MAGI1: variants seen among roughly 807,000 people sequenced by gnomAD.
MAGI1 encodes membrane associated guanylate kinase, WW and PDZ domain containing 1.
In MAGI1, 58 loss-of-function variants were observed where a neutral mutation model predicts 139.9. The ratio of observed to expected loss-of-function variants is 0.41; its 90% CI spans 0.34 to 0.52. The LOEUF (loss-of-function observed/expected upper bound fraction) is 0.52, where lower values mean the gene tolerates loss of function less well. MAGI1 is among the 20% of genes least tolerant of loss of function. The pLI is 0.12. For missense variants in MAGI1, 1,874 were observed against 1,901.6 expected (o/e 0.99, Z 0.27); for synonymous variants, 812 against 737.9 (o/e 1.10, Z -1.63).
At chr3:65,540,384 A>G (rs1255165495) in intron 2 of MAGI1, among the ~76,000 whole-genome samples, 1 of 152,018 alleles carries the variant, frequency 6.6e-6, no homozygotes, top group Non-Finnish European at 1.5e-5. Flanking sequence ...GTTTTTTTCT[A>G]TATTCATGCT....
chr3:65,984,768 G>C (rs2065795515), intron 1 of MAGI1, among the ~76,000 whole-genome samples: 1 of 139,172 alleles, frequency 7.2e-6, no homozygotes. Flanking sequence ...GGGTGGTCTT[G>C]AACTTCTGGG....
chr3:65,943,665 A>G (rs930157124), intron 1 of MAGI1, among the ~76,000 whole-genome samples: 13 of 151,954 alleles, frequency 8.6e-5, no homozygotes, highest in East Asian at 1.9e-4. Context: ...GTATATATAT[A>G]TGTGTGTATA....
At position 65,663,808 on chromosome 3, in the gene MAGI1, T is replaced by C. The variant is rs186348351; in HGVS notation, c.314-41720A>G. Among the ~76,000 whole-genome samples, 35 of 152,280 alleles carry C rather than the reference T, an allele frequency of 2.3e-4. 1 individual carries two copies. Among genetic ancestry groups the C allele is most frequent in the Admixed American group, 2.0e-3 (30 of 15,300 alleles). On this transcript the variant is annotated intron_variant, in intron 1 of 22. Transcript: ENST00000402939. Reference sequence around the variant, plus strand: ...CTTTGACCTAAACCCACTAGGTCAGTAGTCAGTAGTAGTACCTCCCCGAGT... The same window carrying C: ...CTTTGACCTAAACCCACTAGGTCAGCAGTCAGTAGTAGTACCTCCCCGAGT...
chr3:65,720,971 G>A (rs1178373095), intron 1 of MAGI1, among the ~76,000 whole-genome samples: 1 of 151,910 alleles, frequency 6.6e-6, no homozygotes, highest in East Asian at 1.9e-4. Context: ...CAAACTCCTA[G>A]GCTCAAGCAA....
intron 17 of MAGI1, 23 bp from the exon 18 acceptor site, chr3:65,375,968 T>G: frequency 6.3e-7 from 1 of 1,592,842 alleles, no homozygotes; most frequent in Non-Finnish European, 8.6e-7. Context: ...TGAGTTTTAA[T>G]TTTTTTAAAG....
chr3:66,021,099 G>T (rs916026925), intron 1 of MAGI1, among the ~76,000 whole-genome samples: 6 of 152,276 alleles, frequency 3.9e-5, no homozygotes, highest in Non-Finnish European at 8.8e-5. Flanking sequence ...ACTATTTGTG[G>T]AGGCACTGTC....
chr3:65,394,752 A>C lies in MAGI1; in HGVS notation c.2200-3394T>G, dbSNP rs537376026. 2.6e-5 allele frequency among the ~76,000 whole-genome samples: 4 copies of C among 152,240 alleles called. No homozygotes were observed. In the East Asian group the frequency reaches 7.7e-4, roughly 29 times the overall value. ...GTCCTTTATCTGGTTAGAGCCCAGAACTGTCCAGGAGAAAAACCATGTTTA... is the reference window on the plus strand; with the variant it reads ...GTCCTTTATCTGGTTAGAGCCCAGACCTGTCCAGGAGAAAAACCATGTTTA... On this transcript the variant is annotated intron_variant, in intron 13 of 22. Coordinates refer to ENST00000402939, the MANE Select transcript of MAGI1 (RefSeq NM_001033057.2).
At chr3:65,378,973 C>T (rs1187331092) in intron 17 of MAGI1, among the ~76,000 whole-genome samples, 2 of 152,144 alleles carry the variant, frequency 1.3e-5, no homozygotes, top group East Asian at 1.9e-4. Flanking sequence ...TGAGCAACAG[C>T]GCCCGGCTGC....
chr3:65,867,137 C>G (rs2059756956), intron 1 of MAGI1, among the ~76,000 whole-genome samples: 1 of 152,160 alleles, frequency 6.6e-6, no homozygotes, highest in African/African-American at 2.4e-5. Context: ...TGTGAAGTTT[C>G]AATGAGTTAA....
intron 1 of MAGI1, among the ~76,000 whole-genome samples, chr3:65,724,525 C>T (rs1035680750): frequency 6.6e-6 from 1 of 152,054 alleles, no homozygotes; most frequent in Admixed American, 6.5e-5. Flanking sequence ...AGGGCTTTTC[C>T]CGTTTTGTTC....
chr3:65,805,648 C>T (rs755575263), intron 1 of MAGI1, among the ~76,000 whole-genome samples: 2 of 152,104 alleles, frequency 1.3e-5, no homozygotes, highest in Admixed American at 6.6e-5. Flanking sequence ...TGTATGTTCA[C>T]TGAAGCACAT....
chr3:66,023,664 T>TTG (rs1395999514), intron 1 of MAGI1, among the ~76,000 whole-genome samples: 1 of 152,254 alleles, frequency 6.6e-6, no homozygotes, highest in African/African-American at 2.4e-5. Flanking sequence ...AATTTATCTA[T>TTG]AGAAAAGTCC....
At chr3:65,694,996 G>A (rs376608385) in intron 1 of MAGI1, among the ~76,000 whole-genome samples, 4 of 152,204 alleles carry the variant, frequency 2.6e-5, no homozygotes, top group Admixed American at 2.6e-4. Flanking sequence ...AAGGCTGCTC[G>A]TGCTCAAGGG....
intron 1 of MAGI1, among the ~76,000 whole-genome samples, chr3:65,972,123 C>T (rs988073735): frequency 3.3e-5 from 5 of 152,192 alleles, no homozygotes; most frequent in African/African-American, 9.7e-5. Context: ...TGCCACCTCA[C>T]ATTGCAAAGC....
chr3:66,030,003 C>G (rs1282257909), intron 1 of MAGI1, among the ~76,000 whole-genome samples: 2 of 152,168 alleles, frequency 1.3e-5, no homozygotes, highest in Non-Finnish European at 2.9e-5. Context: ...TCAAGGACCT[C>G]TTCCATGCAG....
At chr3:65,426,271 T>G (rs1225062882) in intron 12 of MAGI1, among the ~76,000 whole-genome samples, 2 of 152,206 alleles carry the variant, frequency 1.3e-5, no homozygotes, top group African/African-American at 4.8e-5. Context: ...CCTGGACATT[T>G]ACAAATGATA....
intron 2 of MAGI1, among the ~76,000 whole-genome samples, chr3:65,597,059 C>A (rs1295315096): frequency 1.3e-5 from 2 of 152,116 alleles, no homozygotes; most frequent in Admixed American, 6.5e-5. Context: ...CCCGGGGAAG[C>A]AGCTCTCCCT....
chr3:65,722,719 A>G (rs2033177572), intron 1 of MAGI1, among the ~76,000 whole-genome samples: 1 of 152,226 alleles, frequency 6.6e-6, no homozygotes, highest in African/African-American at 2.4e-5. Flanking sequence ...TATCTAAATC[A>G]TAAAATATTA....
At position 65,381,359 on chromosome 3, in the gene MAGI1, G is replaced by C. The variant is rs144056645; in HGVS notation, c.2701+518C>G. On this transcript the variant is annotated intron_variant, in intron 16 of 22. Coordinates refer to ENST00000402939, the MANE Select transcript of MAGI1 (RefSeq NM_001033057.2). ...TGAGAATTAAAGTTCAAAGCTTATG[G>C]GCAGGAAGAAGGAATCAAAGCTGAC... Among the ~76,000 whole-genome samples, 861 of 152,156 alleles carry C rather than the reference G, an allele frequency of 5.7e-3. 8 individuals carry two copies. Among genetic ancestry groups the C allele is most frequent in the Non-Finnish European group, 9.0e-3 (613 of 68,008 alleles).
Sources: gnomAD v4.1 joint callset for allele counts (sites outside exome capture counted in the v4.1 genomes callset) on GRCh38, gnomAD v4.1.1 for gene constraint, MANE v1.5 for transcripts, NCBI Gene and HGNC (gene_info 2026-07-23, HGNC 2026-07-21) for gene names.